The following CDK5RAP2 variants were observed in gnomAD, a reference collection of about 807,000 sequenced individuals.
CDK5RAP2 encodes the protein CDK5 regulatory subunit associated protein 2.
A neutral mutation model predicts 232.9 loss-of-function variants in CDK5RAP2; 147 were observed. That is an observed-to-expected ratio of 0.63 (90% CI 0.55 to 0.72). The LOEUF (loss-of-function observed/expected upper bound fraction) is 0.72, where lower values mean the gene tolerates loss of function less well. CDK5RAP2 is among the 30% of genes least tolerant of loss of function. The probability of loss-of-function intolerance (pLI) is 0.00; values close to 1 mark genes in which losing one functional copy is unlikely to be tolerated. For missense variants in CDK5RAP2, 2,195 were observed against 2,231.5 expected (o/e 0.98, Z 0.33); for synonymous variants, 833 against 833.7 (o/e 1.00, Z 0.01).
At chr9:120,422,080 G>A (rs2034599329) in intron 26 of CDK5RAP2, among the ~76,000 whole-genome samples, 1 of 152,222 alleles carries the variant, frequency 6.6e-6, no homozygotes, top group African/African-American at 2.4e-5. Context: ...AATGTAGAAA[G>A]CATTACAATA....
rs749735697 is a variant in CDK5RAP2, at chr9:120,545,724, T to G, written c.373A>C (p.Ile125Leu). The G allele has an allele frequency of 1.9e-6, 3 of 1,613,642 alleles. No individual in the cohort carries two copies. The highest frequency in any genetic ancestry group is 2.5e-6 in the Non-Finnish European group (3 of 1,179,530). ...RELQEREQLL[I>L]KASKAVESLA... ...GATGATGGTACTCACGAGGCTTTGA[T>G]GAGCAGCTGCTCTCTCTCCTGGAGT... The change falls in exon 5 of 38, where the codon ATC becomes CTC. Residue 125 changes from isoleucine to leucine, a missense_variant. Physicochemically the swap from Ile to Leu is conservative, Grantham distance 5. Transcript: ENST00000349780.
chr9:120,551,812 T>A (rs2042051267), intron 3 of CDK5RAP2, among the ~76,000 whole-genome samples: 1 of 152,208 alleles, frequency 6.6e-6, no homozygotes, highest in African/African-American at 2.4e-5. Flanking sequence ...GGTAATAATA[T>A]GATTTTACAG....
At chr9:120,540,357 C>G (rs543878027) in intron 5 of CDK5RAP2, among the ~76,000 whole-genome samples, 29 of 152,256 alleles carry the variant, frequency 1.9e-4, no homozygotes, top group Middle Eastern at 3.4e-3. Flanking sequence ...CACCAGCTTC[C>G]CATGCCCTAC....
At chr9:120,405,358 T>G (rs553451878) in intron 32 of CDK5RAP2, among the ~76,000 whole-genome samples, 55 of 152,378 alleles carry the variant, frequency 3.6e-4, no homozygotes, top group African/African-American at 1.3e-3. Context: ...CTCTCCTGGA[T>G]GCCTCTTGCC....
At chr9:120,517,331 C>T (rs757189113) in intron 12 of CDK5RAP2, among the ~76,000 whole-genome samples, 8 of 152,116 alleles carry the variant, frequency 5.3e-5, no homozygotes, top group Non-Finnish European at 1.0e-4. Context: ...GGGATTTCAC[C>T]TTCCGGATCC....
In CDK5RAP2 at chr9:120,394,648, A is replaced by C. The variant is rs1414804281; in HGVS notation, c.5452-10T>G. The C allele has an allele frequency of 1.3e-6, 2 of 1,591,762 alleles. No homozygotes were observed. Among genetic ancestry groups the C allele is most frequent in the East Asian group, 2.2e-5 (1 of 44,784 alleles). On this transcript the variant is annotated splice_polypyrimidine_tract_variant and intron_variant, in intron 35 of 37. Coordinates refer to ENST00000349780, the MANE Select transcript of CDK5RAP2 (RefSeq NM_018249.6). ...CCTTCATTTCTCCAATCTAAAGAGA[A>C]GAGAAATTAGAAAAATGAACAAAGA...
chr9:120,487,296 T>C lies in CDK5RAP2; in HGVS notation c.1624A>G (p.Lys542Glu). 1 of 1,614,118 alleles carries C rather than the reference T, an allele frequency of 6.2e-7. No homozygotes were observed. The highest frequency in any genetic ancestry group is 8.5e-7 in the Non-Finnish European group (1 of 1,179,996). ...TGTCCAATTTCAGTCAAGCTTACCT[T>C]AGAGAAGATGGTTTTGCTGCCTGGT... Reference protein sequence around the residue: ...QPPGSKTIFSKEKKQSSDYEE... With the variant: ...QPPGSKTIFSEEKKQSSDYEE... Residue 542 changes from lysine to glutamate, a missense_variant and splice_region_variant, in exon 14 of 38, where the codon AAG becomes GAG. Coordinates refer to ENST00000349780, the MANE Select transcript of CDK5RAP2 (RefSeq NM_018249.6).
chr9:120,394,489 C>A (rs370525481), intron 36 of CDK5RAP2, 23 bp downstream of exon 36: 16 of 1,613,794 alleles, frequency 9.9e-6, no homozygotes, highest in Admixed American at 1.7e-5. Context: ...TCAGGCATAG[C>A]GGCCACCCCC....
chr9:120,502,608 G>A (rs187096975), intron 12 of CDK5RAP2, among the ~76,000 whole-genome samples: 31 of 152,304 alleles, frequency 2.0e-4, no homozygotes, highest in Admixed American at 1.8e-3. Context: ...AGTTGACAAC[G>A]TGAAAATGAC....
chr9:120,568,365 T>A lies in CDK5RAP2; in HGVS notation c.151A>T (p.Thr51Ser). 6.2e-7 allele frequency: 1 copy of A among 1,613,814 alleles called. No individual in the cohort carries two copies. Among genetic ancestry groups the A allele is most frequent in the Non-Finnish European group, 8.5e-7 (1 of 1,179,666 alleles). ...TTCCGTGCTCTGGTGGGAGACACTG[T>A]TTCTTCTGACACATTTGGGAGCACT... ...NGLLPNVSEE[T>S]VSPTRARNMK... The change falls in exon 3 of 38, where the codon ACA becomes TCA. Residue 51 changes from threonine (T) to serine (S), a missense_variant. By Grantham distance (58) the Thr-to-Ser change is moderately conservative. Coordinates refer to ENST00000349780, the MANE Select transcript of CDK5RAP2 (RefSeq NM_018249.6).
intron 29 of CDK5RAP2, 135 bp downstream of exon 29, chr9:120,411,223 A>G (rs537117472): frequency 1.4e-6 from 1 of 725,814 alleles, no homozygotes; most frequent in Admixed American, 2.0e-5. Context: ...GGCTGCTGTG[A>G]CAATTAAATG....
chr9:120,390,072 C>G (rs2031792758), intron 36 of CDK5RAP2: 1 of 415,692 alleles, frequency 2.4e-6, no homozygotes, highest in Middle Eastern at 7.3e-4. Flanking sequence ...AGAGAACACC[C>G]TACAGCTGTG....
chr9:120,432,976 T>A (rs538766399), intron 25 of CDK5RAP2, among the ~76,000 whole-genome samples: 2 of 152,280 alleles, frequency 1.3e-5, no homozygotes, highest in African/African-American at 4.8e-5. Flanking sequence ...TACAAGGAAG[T>A]AGGTTTTCAT....
chr9:120,439,774 A>C lies in CDK5RAP2; in HGVS notation c.3347T>G (p.Ile1116Ser). The change falls in exon 24 of 38, where the codon ATC becomes AGC. Residue 1116 changes from isoleucine (I) to serine (S), a missense_variant. Coordinates refer to ENST00000349780, the MANE Select transcript of CDK5RAP2 (RefSeq NM_018249.6). ...SNETEYLKQK[I>S]HDLETELEGY... is the part of the protein sequence containing the mutation. ...TTCCAGCTCAGTTTCCAAGTCATGGATTTTCTGTTTTAAGTATTCTGTCTC... is the reference window on the plus strand; with the variant it reads ...TTCCAGCTCAGTTTCCAAGTCATGGCTTTTCTGTTTTAAGTATTCTGTCTC... The C allele has an allele frequency of 6.2e-7, 1 of 1,613,948 alleles. No homozygotes were observed. The highest frequency in any genetic ancestry group is 8.5e-7 in the Non-Finnish European group (1 of 1,179,974).
At chr9:120,445,911 G>A (rs573968651) in intron 22 of CDK5RAP2, among the ~76,000 whole-genome samples, 3 of 152,178 alleles carry the variant, frequency 2.0e-5, no homozygotes, top group Admixed American at 1.3e-4. Context: ...CAGGCATCTC[G>A]AGTATGTCCA....
At chr9:120,465,827 T>C (rs948498865) in intron 18 of CDK5RAP2, among the ~76,000 whole-genome samples, 5 of 152,120 alleles carry the variant, frequency 3.3e-5, no homozygotes, top group African/African-American at 7.2e-5. Flanking sequence ...GGCAGTTAAG[T>C]TTCAGCACAT....
At chr9:120,460,742 T>G in intron 18 of CDK5RAP2, 75 bp from the exon 19 acceptor site, 1 of 1,587,680 alleles carries the variant, frequency 6.3e-7, no homozygotes, top group Non-Finnish European at 8.6e-7. Flanking sequence ...AATAAGTCAG[T>G]GATGTCTTTT....
Position 120,409,111 on chromosome 9 carries a change from G to C in CDK5RAP2, c.4604+16C>G, listed in dbSNP as rs1477380980. 6.2e-7 allele frequency: 1 copy of C among 1,609,710 alleles called. No homozygotes were observed. The highest frequency in any genetic ancestry group is 2.2e-5 in the East Asian group (1 of 44,898). ...GTGGTACGGCCAGCAGGCCACCAGG[G>C]AAGCACAGCCACTACCTGCTCAGCT... On this transcript the variant is annotated intron_variant, in intron 30 of 37. Transcript: ENST00000349780.
chr9:120,459,821 C>G (rs1383457374), intron 19 of CDK5RAP2, among the ~76,000 whole-genome samples: 3 of 152,272 alleles, frequency 2.0e-5, no homozygotes, highest in Non-Finnish European at 4.4e-5. Context: ...TTTAAGATCT[C>G]CCATTTGTGA....
Sources: allele counts gnomAD v4.1 joint callset (sites outside exome capture counted in the v4.1 genomes callset), GRCh38; gene constraint gnomAD v4.1.1; transcripts MANE v1.5; gene names NCBI Gene and HGNC (gene_info 2026-07-23, HGNC 2026-07-21).